ME1: variants seen among roughly 807,000 people sequenced by gnomAD.
ME1 encodes malic enzyme 1.
ME1 carries 74 observed loss-of-function variants against 66.4 expected under a neutral mutation model. The observed-to-expected ratio is 1.11, with a 90% CI of 0.92 to 1.35. The LOEUF is 1.35. ME1 is among the 40% of genes most tolerant of loss of function. The pLI, the probability that ME1 is intolerant of heterozygous loss-of-function variation, is 0.00. For missense variants in ME1, 750 were observed against 694.1 expected, an observed-to-expected ratio of 1.08 and a Z score of -0.90; for synonymous variants, 251 against 235.6, an observed-to-expected ratio of 1.07 and a Z score of -0.60.
In ME1 at chr6:83,228,884, A is replaced by G. The variant is rs2230903; in HGVS notation, c.1074T>C (p.His358=). The G allele has an allele frequency of 0.01, 16,787 of 1,613,288 alleles. 1,365 individuals are homozygous for G. In the African/African-American group the frequency reaches 0.19, roughly 18 times the overall value. The change falls in exon 10 of 14, where the codon CAT becomes CAC. Residue 358 remains histidine (H), a synonymous_variant. Transcript: ENST00000369705. ...TQEKEKFAHE[H]EEMKNLEAIV... The stretch of plus-strand genomic sequence containing the variant: ...TGGCTTCTAGGTTCTTCATTTCTTC[A>G]TGTTCATGGGCAAACTTCTCTTTCT...
At position 83,306,998 on chromosome 6, in the gene ME1, T is replaced by C. The variant is rs548962116; in HGVS notation, c.704+8312A>G. 1.6e-4 allele frequency among the ~76,000 whole-genome samples: 25 copies of C among 152,230 alleles called. No homozygotes were observed. In the South Asian group the frequency reaches 1.7e-3, roughly 10 times the overall value. On this transcript the variant is annotated intron_variant, in intron 6 of 13. Coordinates refer to ENST00000369705, the MANE Select transcript of ME1 (RefSeq NM_002395.6). ...AAAAAGCATCTAAAAGGAAGAGTTGTAAACCATGTTCAGAATGAAACAGTA... is the reference window on the plus strand; with the variant it reads ...AAAAAGCATCTAAAAGGAAGAGTTGCAAACCATGTTCAGAATGAAACAGTA...
At chr6:83,362,909 G>C (rs1230467965) in intron 3 of ME1, among the ~76,000 whole-genome samples, 1 of 152,164 alleles carries the variant, frequency 6.6e-6, no homozygotes, top group Non-Finnish European at 1.5e-5. Flanking sequence ...GGAATTCACT[G>C]GTCTTACCAT....
chr6:83,250,137 C>A (rs939392269), intron 7 of ME1, among the ~76,000 whole-genome samples: 1 of 151,656 alleles, frequency 6.6e-6, no homozygotes, highest in Non-Finnish European at 1.5e-5. Flanking sequence ...GTTTCATAGT[C>A]CGTTGGCTCT....
At chr6:83,362,289 G>A (rs1270018260) in intron 3 of ME1, among the ~76,000 whole-genome samples, 1 of 152,182 alleles carries the variant, frequency 6.6e-6, no homozygotes, top group East Asian at 1.9e-4. Context: ...AAGAAATTTG[G>A]GGAAGAGGTA....
chr6:83,210,946 C>A lies in ME1; in HGVS notation c.*978G>T, dbSNP rs1481900257. The A allele has an allele frequency of 6.6e-6, 1 of 152,130 alleles. No individual in the cohort carries two copies. Among genetic ancestry groups the A allele is most frequent in the African/African-American group, 2.4e-5 (1 of 41,440 alleles). 9.4% of individuals were successfully genotyped at this position (152,130 alleles called of 1,614,324 possible). ...TACTTTCTCCAAATTCAGGCAAAAG[C>A]AAGATGATTATAACACAGTTAGCTC... On this transcript the variant is annotated 3_prime_UTR_variant, in exon 14 of 14. Transcript: ENST00000369705.
At chr6:83,394,222 T>A (rs1053859610) in intron 3 of ME1, among the ~76,000 whole-genome samples, 6 of 152,074 alleles carry the variant, frequency 3.9e-5, no homozygotes, top group Non-Finnish European at 7.4e-5. Context: ...AACATGGATA[T>A]GTGCTATTAA....
In ME1 at chr6:83,398,359, T is replaced by C; in HGVS notation, c.362+8A>G. Reference sequence around the variant, plus strand: ...CACAAGTTGCATATAAAATAAAAGTTGACATACCTTGGCTTCCGAAACACC... The same window carrying C: ...CACAAGTTGCATATAAAATAAAAGTCGACATACCTTGGCTTCCGAAACACC... On this transcript the variant is annotated splice_region_variant and intron_variant, in intron 3 of 13. Coordinates refer to ENST00000369705, the MANE Select transcript of ME1 (RefSeq NM_002395.6). The C allele has an allele frequency of 6.4e-7, 1 of 1,558,828 alleles. No homozygotes were observed. The highest frequency in any genetic ancestry group is 8.6e-7 in the Non-Finnish European group (1 of 1,159,092).
At chr6:83,246,400 A>C (rs1790623287) in intron 7 of ME1, among the ~76,000 whole-genome samples, 2 of 152,122 alleles carry the variant, frequency 1.3e-5, no homozygotes, top group Admixed American at 1.3e-4. Context: ...CAACATTCTG[A>C]TGTTTAGTCT....
chr6:83,327,324 G>T (rs1324620767), intron 5 of ME1, among the ~76,000 whole-genome samples: 1 of 152,198 alleles, frequency 6.6e-6, no homozygotes, highest in Non-Finnish European at 1.5e-5. Flanking sequence ...TCTGACCATT[G>T]GTGAGCTGGG....
intron 1 of ME1, among the ~76,000 whole-genome samples, chr6:83,408,980 G>T (rs1769996462): frequency 6.6e-6 from 1 of 152,136 alleles, no homozygotes; most frequent in Non-Finnish European, 1.5e-5. Flanking sequence ...AAGGGCCTTT[G>T]GGAGGTGATT....
At chr6:83,245,088 T>A (rs1423368974) in intron 7 of ME1, among the ~76,000 whole-genome samples, 7 of 151,948 alleles carry the variant, frequency 4.6e-5, no homozygotes, top group Non-Finnish European at 8.8e-5. Flanking sequence ...GGAGAGCAGG[T>A]GTGGAACACT....
At chr6:83,360,161 C>G (rs1309019490) in intron 3 of ME1, among the ~76,000 whole-genome samples, 1 of 152,192 alleles carries the variant, frequency 6.6e-6, no homozygotes, top group African/African-American at 2.4e-5. Flanking sequence ...TACAAACCCA[C>G]AATCCCTTGA....
At chr6:83,242,271 A>G (rs1290782555) in intron 7 of ME1, among the ~76,000 whole-genome samples, 1 of 152,220 alleles carries the variant, frequency 6.6e-6, no homozygotes, top group African/African-American at 2.4e-5. Context: ...AAACATAAAC[A>G]TAACAACATA....
chr6:83,407,923 A>T, intron 1 of ME1, 22 bp from the exon 2 acceptor site: 1 of 1,575,356 alleles, frequency 6.3e-7, no homozygotes, highest in Non-Finnish European at 8.6e-7. Context: ...AAACACACAC[A>T]CACACACAAC....
intron 6 of ME1, among the ~76,000 whole-genome samples, chr6:83,263,257 C>G (rs1466749063): frequency 6.6e-6 from 1 of 152,196 alleles, no homozygotes; most frequent in Non-Finnish European, 1.5e-5. Context: ...TCAAACCTCC[C>G]TATTCCCTGA....
At chr6:83,326,067 A>AAC (rs1768284713) in intron 5 of ME1, among the ~76,000 whole-genome samples, 1 of 152,182 alleles carries the variant, frequency 6.6e-6, no homozygotes, top group Non-Finnish European at 1.5e-5. Context: ...AGACCAATGG[A>AAC]ACAGAACAGA....
At chr6:83,235,036 C>G (rs901421160) in intron 9 of ME1, among the ~76,000 whole-genome samples, 9 of 152,128 alleles carry the variant, frequency 5.9e-5, no homozygotes, top group African/African-American at 2.2e-4. Context: ...TCTCAGTGAA[C>G]TTGCCATCAT....
intron 6 of ME1, among the ~76,000 whole-genome samples, chr6:83,307,941 G>C (rs1234227237): frequency 6.6e-6 from 1 of 152,084 alleles, no homozygotes; most frequent in Non-Finnish European, 1.5e-5. Context: ...CTTGAAATCT[G>C]ATAAGTGACC....
chr6:83,396,888 A>G (rs1415741574), intron 3 of ME1, among the ~76,000 whole-genome samples: 2 of 152,218 alleles, frequency 1.3e-5, no homozygotes, highest in African/African-American at 4.8e-5. Flanking sequence ...AAATGGAGAA[A>G]GAACAGTCTC....
Sources: allele counts gnomAD v4.1 joint callset (sites outside exome capture counted in the v4.1 genomes callset), GRCh38; gene constraint gnomAD v4.1.1; transcripts MANE v1.5; gene names NCBI Gene and HGNC (gene_info 2026-07-23, HGNC 2026-07-21).